The following MAP2 variants were observed in gnomAD, a reference collection of about 807,000 sequenced individuals.
MAP2 encodes the protein microtubule associated protein 2.
MAP2 carries 14 observed loss-of-function variants against 137.6 expected under a neutral mutation model. The observed-to-expected ratio is 0.10, with a 90% CI of 0.07 to 0.16. The LOEUF (loss-of-function observed/expected upper bound fraction) is 0.16, where lower values mean the gene tolerates loss of function less well. Ranked by LOEUF, MAP2 falls within the 10% of genes least tolerant of loss-of-function variation. The pLI is 1.00. For synonymous variants in MAP2, 786 were observed against 782.3 expected, an observed-to-expected ratio of 1.00 and a Z score of -0.08; for missense variants, 2,088 against 2,191.5, an observed-to-expected ratio of 0.95 and a Z score of 0.94.
chr2:209,725,902 G>C, intron 14 of MAP2, 112 bp downstream of exon 14: 1 of 579,972 alleles, frequency 1.7e-6, no homozygotes, highest in Non-Finnish European at 2.9e-6. Flanking sequence ...TTTAAAATAT[G>C]GGTACTTCAC....
intron 4 of MAP2, among the ~76,000 whole-genome samples, chr2:209,631,258 C>T (rs1363117999): frequency 1.3e-5 from 2 of 152,120 alleles, no homozygotes; most frequent in Middle Eastern, 3.4e-3. Context: ...AAGAGATGTG[C>T]GGGTATGTGG....
chr2:209,690,191 CT>C (rs373449231), intron 7 of MAP2, among the ~76,000 whole-genome samples: 36 of 148,010 alleles, frequency 2.4e-4, no homozygotes, highest in Middle Eastern at 3.4e-3. Context: ...AATTTAAAGG[CT>C]TTTTTTTTTC....
At position 209,728,903 on chromosome 2, in the gene MAP2, G is replaced by A. The variant is rs372195739; in HGVS notation, c.5156-947G>A. Among the ~76,000 whole-genome samples the A allele has an allele frequency of 1.9e-3, 288 of 152,286 alleles. 2 individuals carry two copies. Among genetic ancestry groups the A allele is most frequent in the Non-Finnish European group, 3.6e-3 (245 of 68,030 alleles). ...CTCAAAACCAAGTTGCTGTTAAAGT[G>A]AAAGCAAATCTCTTAGGTGGTGATG... On this transcript the variant is annotated intron_variant, in intron 14 of 15. Coordinates refer to ENST00000682079, the MANE Select transcript of MAP2 (RefSeq NM_001375505.1).
At chr2:209,589,514 C>T (rs936843503) in intron 3 of MAP2, among the ~76,000 whole-genome samples, 1 of 152,166 alleles carries the variant, frequency 6.6e-6, no homozygotes, top group Non-Finnish European at 1.5e-5. Flanking sequence ...GTGGCGACCT[C>T]TACTAAGTGG....
intron 3 of MAP2, among the ~76,000 whole-genome samples, chr2:209,617,776 T>C (rs1239114350): frequency 1.3e-5 from 2 of 152,012 alleles, no homozygotes; most frequent in Non-Finnish European, 2.9e-5. Flanking sequence ...TATATGAATG[T>C]TGGGGGTGGG....
chr2:209,561,347 T>C (rs1041462341), intron 2 of MAP2, among the ~76,000 whole-genome samples: 5 of 152,204 alleles, frequency 3.3e-5, no homozygotes, highest in African/African-American at 1.2e-4. Flanking sequence ...AATTCCTCAC[T>C]TTTCAATACT....
intron 1 of MAP2, among the ~76,000 whole-genome samples, chr2:209,481,258 A>G (rs1293609378): frequency 6.6e-6 from 1 of 152,170 alleles, no homozygotes; most frequent in Non-Finnish European, 1.5e-5. Context: ...ACATCTCCCA[A>G]CAGAAGAATG....
At position 209,697,000 on chromosome 2, in the gene MAP2, A is replaced by G; in HGVS notation, c.4471A>G (p.Ile1491Val). 3.1e-6 allele frequency: 5 copies of G among 1,613,500 alleles called. No homozygotes were observed. The South Asian group carries it at 3.3e-5, about 11-fold the overall frequency. ...CAGGAAATTCATTTTAAAACCTGCT[A>G]TCAAATATACTAGACCAACTCATCT... is the stretch of plus-strand genomic sequence containing the variant. ...PSRKFILKPA[I>V]KYTRPTHLSC... The change falls in exon 10 of 16, where the codon ATC (isoleucine) becomes GTC (valine). Residue 1491 changes from isoleucine (I) to valine (V), a missense_variant. By Grantham distance (29) the Ile-to-Val change is conservative (BLOSUM62 3). This residue lies in a region of MAP2 where 591 missense variants were observed against 642.6 expected (regional missense o/e 0.92). Transcript: ENST00000682079.
intron 1 of MAP2, among the ~76,000 whole-genome samples, chr2:209,450,983 T>TC (rs397940504): frequency 8.5e-5 from 13 of 152,070 alleles, no homozygotes; most frequent in African/African-American, 3.1e-4. Context: ...TAATTTTTTT[T>TC]CCCAAGCCAT....
At chr2:209,617,129 G>T (rs1365587528) in intron 3 of MAP2, among the ~76,000 whole-genome samples, 2 of 152,080 alleles carry the variant, frequency 1.3e-5, no homozygotes, top group African/African-American at 2.4e-5. Context: ...GGAAAAGAGG[G>T]CTCTGGTTTC....
At position 209,569,680 on chromosome 2, in the gene MAP2, A is replaced by T. The variant is rs182721392; in HGVS notation, c.-171-10356A>T. 4.7e-3 allele frequency among the ~76,000 whole-genome samples: 707 copies of T among 151,966 alleles called. 9 individuals carry two copies. Among genetic ancestry groups the T allele is most frequent in the African/African-American group, 0.016 (661 of 41,546 alleles). Reference sequence around the variant, plus strand: ...GAAATGAAAAAGTGTCCACACCAAAATTTAACTATTAAAAATGTGTTAACT... The same window carrying T: ...GAAATGAAAAAGTGTCCACACCAAATTTTAACTATTAAAAATGTGTTAACT... On this transcript the variant is annotated intron_variant, in intron 2 of 15. Coordinates refer to ENST00000682079, the MANE Select transcript of MAP2 (RefSeq NM_001375505.1).
chr2:209,723,311 T>A (rs2072154021), intron 13 of MAP2, among the ~76,000 whole-genome samples: 1 of 152,218 alleles, frequency 6.6e-6, no homozygotes, highest in Non-Finnish European at 1.5e-5. Flanking sequence ...CCATCACAGA[T>A]GACTCAAGTT....
chr2:209,537,450 G>A (rs751623100), intron 2 of MAP2, among the ~76,000 whole-genome samples: 1 of 151,996 alleles, frequency 6.6e-6, no homozygotes, highest in African/African-American at 2.4e-5. Flanking sequence ...CTACATTTAG[G>A]TAAAATGGTT....
chr2:209,475,151 C>T (rs758723942), intron 1 of MAP2, among the ~76,000 whole-genome samples: 28 of 151,978 alleles, frequency 1.8e-4, no homozygotes, highest in Non-Finnish European at 4.0e-4. Context: ...GTAATTTGCT[C>T]CCGTCATGAA....
At chr2:209,685,332 T>C (rs1384895081) in intron 7 of MAP2, among the ~76,000 whole-genome samples, 2 of 152,176 alleles carry the variant, frequency 1.3e-5, no homozygotes, top group African/African-American at 4.8e-5. Context: ...TTTAAAATTA[T>C]TATGTCTTCC....
intron 1 of MAP2, among the ~76,000 whole-genome samples, chr2:209,465,105 T>C (rs1211616367): frequency 6.6e-6 from 1 of 152,096 alleles, no homozygotes; most frequent in Non-Finnish European, 1.5e-5. Context: ...ATTAATAAAA[T>C]CTTAGAGCTG....
chr2:209,538,181 C>T (rs1371952689), intron 2 of MAP2, among the ~76,000 whole-genome samples: 2 of 152,036 alleles, frequency 1.3e-5, no homozygotes, highest in African/African-American at 4.8e-5. Context: ...TGAATATTAT[C>T]TCTGTTAAAT....
intron 7 of MAP2, among the ~76,000 whole-genome samples, chr2:209,687,833 A>T (rs1210731340): frequency 6.6e-6 from 1 of 152,122 alleles, no homozygotes; most frequent in Non-Finnish European, 1.5e-5. Flanking sequence ...TCTGTGCCTG[A>T]TGATGACCCT....
Position 209,693,094 on chromosome 2 carries a change from G to C in MAP2, c.924G>C (p.Gln308His). The C allele has an allele frequency of 6.2e-7, 1 of 1,613,412 alleles. No individual in the cohort carries two copies. The highest frequency in any genetic ancestry group is 8.5e-7 in the Non-Finnish European group (1 of 1,179,798). ...ATATCCCAAAATGGGAAGGGAAACA[G>C]TTTGATTCTCCCATGCCAAGTCCCT... ...FDDIPKWEGKQFDSPMPSPFQ... is the reference protein window; with the variant it reads ...FDDIPKWEGKHFDSPMPSPFQ... Residue 308 changes from glutamine to histidine, a missense_variant, in exon 8 of 16, where the codon CAG (glutamine) becomes CAC (histidine). Physicochemically the swap from Gln to His is conservative, Grantham distance 24. Coordinates refer to ENST00000682079, the MANE Select transcript of MAP2 (RefSeq NM_001375505.1).
Sources: gnomAD v4.1 joint callset for allele counts (sites outside exome capture counted in the v4.1 genomes callset) on GRCh38, gnomAD v4.1.1 for gene constraint, gnomAD v4.1.1 regional missense constraint, MANE v1.5 for transcripts, NCBI Gene and HGNC (gene_info 2026-07-23, HGNC 2026-07-21) for gene names.